SMYD1: variants seen among roughly 807,000 people sequenced by gnomAD.
The protein encoded by SMYD1 is SET and MYND domain containing 1, also known as histone-lysine N-methyltransferase SMYD1.
A neutral mutation model predicts 54.0 loss-of-function variants in SMYD1; 49 were observed. The ratio of observed to expected loss-of-function variants is 0.91; its 90% CI spans 0.72 to 1.15. The LOEUF is 1.15. SMYD1 is among the 50% of genes most tolerant of loss of function. SMYD1 has a pLI of 0.00. For missense variants in SMYD1, 653 were observed against 639.6 expected, an observed-to-expected ratio of 1.02 and a Z score of -0.23; for synonymous variants, 269 against 234.2, an observed-to-expected ratio of 1.15 and a Z score of -1.36.
chr2:88,105,941 A>AAT (rs34574339), intron 7 of SMYD1, among the ~76,000 whole-genome samples: 33,475 of 151,146 alleles, frequency 0.22, 4,341 homozygotes, highest in East Asian at 0.51. Context: ...CTTGTCTCGA[A>AAT]ATATATATAT....
In SMYD1 at chr2:88,111,792, T is replaced by A; in HGVS notation, c.*1280T>A. On this transcript the variant is annotated 3_prime_UTR_variant, in exon 10 of 10. Transcript: ENST00000419482. ...CCTGTTATCTACTGAGACCCCAAAT[T>A]TCTCACCAATGTTTTGGGAGATCCT... 2 of 367,424 alleles carry A rather than the reference T, an allele frequency of 5.4e-6. No homozygotes were observed. Among genetic ancestry groups the A allele is most frequent in the Non-Finnish European group, 1.0e-5 (2 of 198,864 alleles). 22.8% of individuals were successfully genotyped at this position (367,424 alleles called of 1,614,324 possible).
intron 1 of SMYD1, among the ~76,000 whole-genome samples, chr2:88,076,683 G>A (rs1674073838): frequency 6.6e-6 from 1 of 152,132 alleles, no homozygotes; most frequent in Non-Finnish European, 1.5e-5. Context: ...AAGTTATCTG[G>A]GTACTTGAGG....
intron 1 of SMYD1, among the ~76,000 whole-genome samples, chr2:88,076,793 G>A (rs1674076624): frequency 6.6e-6 from 1 of 152,156 alleles, no homozygotes; most frequent in Non-Finnish European, 1.5e-5. Flanking sequence ...GATCGCTTGA[G>A]CTCAAGAGTT....
chr2:88,076,109 C>T (rs1218871171), intron 1 of SMYD1, among the ~76,000 whole-genome samples: 1 of 152,210 alleles, frequency 6.6e-6, no homozygotes, highest in African/African-American at 2.4e-5. Context: ...TTCCTCGAAA[C>T]TTACAGCAAG....
At chr2:88,100,649 T>C (rs1674700653) in intron 6 of SMYD1, among the ~76,000 whole-genome samples, 1 of 152,116 alleles carries the variant, frequency 6.6e-6, no homozygotes, top group South Asian at 2.1e-4. Flanking sequence ...CCAATAGGCT[T>C]AGGAAAGCAG....
intron 6 of SMYD1, among the ~76,000 whole-genome samples, chr2:88,098,293 G>T (rs986548799): frequency 1.3e-5 from 2 of 152,166 alleles, no homozygotes; most frequent in East Asian, 1.9e-4. Flanking sequence ...TAGATTTTTT[G>T]ATGTTTACCT....
chr2:88,086,063 T>C (rs1401021198), intron 2 of SMYD1, among the ~76,000 whole-genome samples: 5 of 152,202 alleles, frequency 3.3e-5, no homozygotes, highest in Non-Finnish European at 7.3e-5. Flanking sequence ...ACATAGGTGA[T>C]AGCATTGTAT....
rs370403665 is a variant in SMYD1 at position 88,067,985 on chromosome 2, G to T, written c.121G>T (p.Ala41Ser). The T allele has an allele frequency of 7.4e-6, 12 of 1,613,312 alleles. No homozygotes were observed. In the African/African-American group the frequency reaches 1.1e-4, roughly 14 times the overall value. Residue 41 changes from alanine (A) to serine (S), a missense_variant, in exon 1 of 10, where the codon GCA becomes TCA. Physicochemically the swap from Ala to Ser is moderately conservative, Grantham distance 99. Coordinates refer to ENST00000419482, the MANE Select transcript of SMYD1 (RefSeq NM_198274.4). ...DIIFAERAYS[A>S]VVFDSLVNFV... ...CATCTTTGCTGAGCGGGCTTATTCC[G>T]CAGTGGTTTTTGACAGGTATGAAAT...
intron 1 of SMYD1, among the ~76,000 whole-genome samples, chr2:88,070,228 T>G (rs1369841975): frequency 2.6e-5 from 4 of 152,066 alleles, no homozygotes; most frequent in African/African-American, 9.7e-5. Flanking sequence ...TAAAGGAAAG[T>G]TTTATGCATT....
intron 6 of SMYD1, among the ~76,000 whole-genome samples, chr2:88,101,096 C>T (rs1429869900): frequency 6.6e-6 from 1 of 152,212 alleles, no homozygotes; most frequent in Non-Finnish European, 1.5e-5. Flanking sequence ...GACTCTCATA[C>T]TGCGAGATGA....
At chr2:88,097,236 G>A (rs1674610814) in intron 6 of SMYD1, among the ~76,000 whole-genome samples, 1 of 152,136 alleles carries the variant, frequency 6.6e-6, no homozygotes, top group African/African-American at 2.4e-5. Flanking sequence ...AGTCCCATGG[G>A]GATGGGCAGT....
chr2:88,087,360 C>T (rs986797781), intron 2 of SMYD1, among the ~76,000 whole-genome samples: 4 of 152,108 alleles, frequency 2.6e-5, no homozygotes, highest in Admixed American at 6.6e-5. Context: ...CCAGACCCCA[C>T]GGAACCTGGC....
Position 88,088,070 on chromosome 2 carries a change from G to A in SMYD1, c.523G>A (p.Gly175Arg), listed in dbSNP as rs145152139. ...FSMQYISHIFGVINCNGFTLS... is the reference protein window; with the variant it reads ...FSMQYISHIFRVINCNGFTLS... ...CATGCAGTACATCTCGCACATCTTC[G>A]GAGTGGTAGGCCCCCTGCGTCCCTT... is the stretch of plus-strand genomic sequence containing the variant. The change falls in exon 3 of 10, where the codon GGA (glycine) becomes AGA (arginine). Residue 175 changes from glycine (G) to arginine (R), a missense_variant. Transcript: ENST00000419482. 15 of 1,612,478 alleles carry A rather than the reference G, an allele frequency of 9.3e-6. No individual in the cohort carries two copies. The highest frequency in any genetic ancestry group is 1.7e-4 in the Middle Eastern group (1 of 6,050).
intron 6 of SMYD1, among the ~76,000 whole-genome samples, chr2:88,100,568 C>T (rs1674698636): frequency 6.6e-6 from 1 of 152,142 alleles, no homozygotes; most frequent in Non-Finnish European, 1.5e-5. Flanking sequence ...GTAGGTTTGA[C>T]AGATTGATGG....
chr2:88,090,309 T>C (rs1674434811), intron 3 of SMYD1, among the ~76,000 whole-genome samples: 1 of 152,244 alleles, frequency 6.6e-6, no homozygotes. Flanking sequence ...TGCATGCAGT[T>C]ACTAATGTAT....
At chr2:88,097,595 T>G (rs960388311) in intron 6 of SMYD1, among the ~76,000 whole-genome samples, 28 of 152,170 alleles carry the variant, frequency 1.8e-4, no homozygotes, top group African/African-American at 6.5e-4. Flanking sequence ...TGACATTCTC[T>G]TTTATAAGGA....
At chr2:88,107,079 T>G (rs1001146439) in intron 8 of SMYD1, among the ~76,000 whole-genome samples, 1 of 152,012 alleles carries the variant, frequency 6.6e-6, no homozygotes, top group African/African-American at 2.4e-5. Context: ...AGGGCACCTG[T>G]AGTCCCAGCT....
intron 1 of SMYD1, among the ~76,000 whole-genome samples, chr2:88,070,624 T>C (rs183184804): frequency 6.6e-6 from 1 of 152,244 alleles, no homozygotes; most frequent in African/African-American, 2.4e-5. Context: ...TCCTAGGTTT[T>C]GTGTTGTATA....
chr2:88,080,530 T>C (rs1674165525), intron 1 of SMYD1, among the ~76,000 whole-genome samples: 1 of 152,096 alleles, frequency 6.6e-6, no homozygotes, highest in East Asian at 1.9e-4. Flanking sequence ...AGGCATGGAG[T>C]TACAAGTGGC....
Sources: allele counts gnomAD v4.1 joint callset (sites outside exome capture counted in the v4.1 genomes callset), GRCh38; gene constraint gnomAD v4.1.1; transcripts MANE v1.5; gene names NCBI Gene and HGNC (gene_info 2026-07-23, HGNC 2026-07-21).